The following CD109 variants were observed in gnomAD, a reference collection of about 807,000 sequenced individuals.
CD109 encodes the protein CD109 molecule, also known as CD109 antigen.
In CD109, 149 loss-of-function variants were observed where a neutral mutation model predicts 165.8. The observed-to-expected ratio is 0.90, with a 90% confidence interval of 0.79 to 1.03. The LOEUF (loss-of-function observed/expected upper bound fraction) is 1.03. Among genes scored for constraint, CD109 ranks in the 50% least tolerant of loss-of-function variants. The pLI, the probability that CD109 is intolerant of heterozygous loss-of-function variation, is 0.00. For synonymous variants in CD109, 585 were observed against 592.1 expected (o/e 0.99, Z 0.18); for missense variants, 1,712 against 1,677.8 (o/e 1.02, Z -0.36).
chr6:73,691,390 G>T (rs1451420965), upstream of CD109, among the ~76,000 whole-genome samples: 1 of 152,200 alleles, frequency 6.6e-6, no homozygotes, highest in Non-Finnish European at 1.5e-5. Context: ...GCTTGGTTTA[G>T]AGTGCTAGGC....
chr6:73,681,627 A>G, the CD109 span, among the ~76,000 whole-genome samples: 32 of 144,470 alleles, frequency 2.2e-4, no homozygotes, highest in African/African-American at 7.2e-4. Flanking sequence ...TTTGAAATGG[A>G]GTTTCGCTTT....
Position 73,730,587 on chromosome 6 carries a change from C to T in CD109, c.507+13C>T. The T allele has an allele frequency of 1.9e-6, 3 of 1,547,710 alleles. No individual in the cohort carries two copies. The highest frequency in any genetic ancestry group is 1.7e-4 in the Middle Eastern group (1 of 5,922). ...CATTCTCATTAAGGTAAGTGCCAGACAGAAATGAAGCAAGGAATTCTAGCC... is the reference window on the plus strand; with the variant it reads ...CATTCTCATTAAGGTAAGTGCCAGATAGAAATGAAGCAAGGAATTCTAGCC... On this transcript the variant is annotated intron_variant, in intron 4 of 32. Coordinates refer to ENST00000287097, the MANE Select transcript of CD109 (RefSeq NM_133493.5).
chr6:73,795,533 G>T (rs1207016541), intron 23 of CD109, among the ~76,000 whole-genome samples: 6 of 152,160 alleles, frequency 3.9e-5, no homozygotes, highest in Non-Finnish European at 5.9e-5. Flanking sequence ...AAGTAACCCA[G>T]AAAGGGTCTC....
At chr6:73,754,682 C>T (rs958884910) in intron 5 of CD109, among the ~76,000 whole-genome samples, 1 of 152,128 alleles carries the variant, frequency 6.6e-6, no homozygotes, top group Non-Finnish European at 1.5e-5. Flanking sequence ...TTATTTTGTA[C>T]TAGGTGCTAT....
chr6:73,694,948 G>A (rs1433937274), upstream of CD109: 3 of 152,248 alleles, frequency 2.0e-5, no homozygotes, highest in East Asian at 5.8e-4. Context: ...AAGGACATAA[G>A]GACCTTTGCA....
intron 14 of CD109, among the ~76,000 whole-genome samples, chr6:73,770,630 C>T: frequency 6.6e-6 from 1 of 152,114 alleles, no homozygotes; most frequent in Non-Finnish European, 1.5e-5. Flanking sequence ...CGCCTGTAAT[C>T]CCAGCTACTT....
At chr6:73,821,302 T>C (rs1256123305) in intron 32 of CD109, among the ~76,000 whole-genome samples, 1 of 152,040 alleles carries the variant, frequency 6.6e-6, no homozygotes. Context: ...GCACTTAAAG[T>C]ATAATAAAAA....
chr6:73,801,326 G>A lies in CD109; in HGVS notation c.2879-1894G>A, dbSNP rs1199956014. ...GAGGGTCCTTGTGAGAATTACCTGA[G>A]TTAATCCTGCAAAGGACTTTGAACA... On this transcript the variant is annotated intron_variant, in intron 23 of 32. Coordinates refer to ENST00000287097, the MANE Select transcript of CD109 (RefSeq NM_133493.5). Among the ~76,000 whole-genome samples the A allele has an allele frequency of 6.6e-5, 10 of 152,344 alleles. 1 individual carries two copies. Among genetic ancestry groups the A allele is most frequent in the Admixed American group, 6.5e-4 (10 of 15,310 alleles).
At chr6:73,691,095 C>T (rs896368938), upstream of CD109, among the ~76,000 whole-genome samples, 1 of 152,192 alleles carries the variant, frequency 6.6e-6, no homozygotes, top group Non-Finnish European at 1.5e-5. Context: ...TCCTGCTCTT[C>T]TCCCCGGCCA....
At chr6:73,772,528 A>C (rs1271434012) in intron 15 of CD109, among the ~76,000 whole-genome samples, 8 of 151,282 alleles carry the variant, frequency 5.3e-5, no homozygotes, top group African/African-American at 1.9e-4. Flanking sequence ...AAAAAAAAAA[A>C]AAATTACAGT....
chr6:73,768,336 A>G (rs1773923642), intron 14 of CD109, 105 bp downstream of exon 14: 1 of 666,976 alleles, frequency 1.5e-6, no homozygotes, highest in East Asian at 2.8e-5. Context: ...CTGGTTAGAA[A>G]TTTATATTAT....
chr6:73,745,395 A>G (rs1433857203), intron 5 of CD109, among the ~76,000 whole-genome samples: 5 of 152,154 alleles, frequency 3.3e-5, no homozygotes, highest in African/African-American at 1.2e-4. Flanking sequence ...ATGAGTCATC[A>G]TGCCTGGCCA....
At chr6:73,802,303 A>ATT (rs1306847119) in intron 23 of CD109, among the ~76,000 whole-genome samples, 6 of 80,606 alleles carry the variant, frequency 7.4e-5, no homozygotes, top group Middle Eastern at 8.5e-3. Flanking sequence ...ATATATATAT[A>ATT]TATTTTTTTT....
chr6:73,795,743 A>AG (rs1775134757), intron 23 of CD109, among the ~76,000 whole-genome samples: 1 of 152,174 alleles, frequency 6.6e-6, no homozygotes, highest in African/African-American at 2.4e-5. Flanking sequence ...GGAGGCAGTC[A>AG]CACCTGGGCT....
intron 5 of CD109, among the ~76,000 whole-genome samples, chr6:73,737,806 G>T (rs2150189076): frequency 6.6e-6 from 1 of 152,362 alleles, no homozygotes; most frequent in Non-Finnish European, 1.5e-5. Flanking sequence ...GGGGATTTGG[G>T]AGAAGTTGAT....
chr6:73,730,250 A>G, intron 3 of CD109, 94 bp from the exon 4 acceptor site: 1 of 786,368 alleles, frequency 1.3e-6, no homozygotes, highest in Admixed American at 2.4e-5. Flanking sequence ...TTTTGATAAT[A>G]CTGTGTATTT....
rs768313562 is a variant in CD109 at position 73,811,075 on chromosome 6, G to A, written c.3630G>A (p.Thr1210=). The part of the protein sequence containing the change: ...TERTNIQVTV[T]GPSSPSPVKF... ...GGACAAATATCCAAGTGACCGTGAC[G>A]GGGCCTAGCTCACCAAGTCCTGTAA... The change falls in exon 28 of 33, where the codon ACG becomes ACA. Residue 1210 remains threonine, a synonymous_variant. Transcript: ENST00000287097. 69 of 1,613,316 alleles carry A rather than the reference G, an allele frequency of 4.3e-5. No individual in the cohort carries two copies. The highest frequency in any genetic ancestry group is 1.2e-5 in the Non-Finnish European group (14 of 1,179,610).
At chr6:73,800,282 T>C (rs961242408) in intron 23 of CD109, among the ~76,000 whole-genome samples, 1 of 152,232 alleles carries the variant, frequency 6.6e-6, no homozygotes, top group African/African-American at 2.4e-5. Context: ...ATATTCCTCA[T>C]TCTTTTTTTC....
At chr6:73,794,323 C>G (rs1775078638) in intron 23 of CD109, among the ~76,000 whole-genome samples, 2 of 152,146 alleles carry the variant, frequency 1.3e-5, no homozygotes, top group Non-Finnish European at 2.9e-5. Flanking sequence ...TTGCAGTGTT[C>G]TCTGGTTTTT....
Sources: allele counts gnomAD v4.1 joint callset (sites outside exome capture counted in the v4.1 genomes callset), GRCh38; gene constraint gnomAD v4.1.1; transcripts MANE v1.5; gene names NCBI Gene and HGNC (gene_info 2026-07-23, HGNC 2026-07-21).